ABCC1: variants seen among roughly 807,000 people sequenced by gnomAD.
ABCC1 encodes multidrug resistance-associated protein 1.
ABCC1 carries 83 observed loss-of-function variants against 172.9 expected under a neutral mutation model. The ratio of observed to expected loss-of-function variants is 0.48; its 90% CI spans 0.40 to 0.58. ABCC1 has a LOEUF of 0.58. Ranked by LOEUF, ABCC1 falls within the 20% of genes least tolerant of loss-of-function variation. The pLI, the probability that ABCC1 is intolerant of heterozygous loss-of-function variation, is 0.00. For synonymous variants in ABCC1, 937 were observed against 825.2 expected (o/e 1.14, Z -2.32); for missense variants, 1,817 against 2,002.7 (o/e 0.91, Z 1.77).
chr16:16,008,036 C>T lies in ABCC1; in HGVS notation c.225+44C>T, dbSNP rs756071484. Reference sequence around the variant, plus strand: ...TCGTTGTGGGGGGTGGGAAGGTGCACCTGGACGGGGAGTGGTGGTTGGTGA... The same window carrying T: ...TCGTTGTGGGGGGTGGGAAGGTGCATCTGGACGGGGAGTGGTGGTTGGTGA... On this transcript the variant is annotated intron_variant, in intron 2 of 30. Coordinates refer to ENST00000399410, the MANE Select transcript of ABCC1 (RefSeq NM_004996.4). The T allele has an allele frequency of 7.7e-6, 11 of 1,433,304 alleles. 1 individual carries two copies. Among genetic ancestry groups the T allele is most frequent in the South Asian group, 1.2e-5 (1 of 81,582 alleles). 88.8% of individuals were successfully genotyped at this position (1,433,304 alleles called of 1,614,324 possible). A position where few individuals can be genotyped will look rare whatever the true frequency, so the allele number is the denominator to read the frequency against.
At chr16:16,060,770 C>T (rs1669524300) in intron 12 of ABCC1, among the ~76,000 whole-genome samples, 1 of 152,024 alleles carries the variant, frequency 6.6e-6, no homozygotes, top group South Asian at 2.1e-4. Context: ...GATCTACCTG[C>T]CTTGATCTCC....
chr16:16,103,771 A>G (rs1410552322), intron 20 of ABCC1, among the ~76,000 whole-genome samples: 3 of 152,112 alleles, frequency 2.0e-5, no homozygotes, highest in Non-Finnish European at 4.4e-5. Flanking sequence ...ACAGACAAAC[A>G]CTTCGTAGAT....
intron 12 of ABCC1, among the ~76,000 whole-genome samples, chr16:16,066,013 T>C (rs1406314342): frequency 1.3e-5 from 2 of 152,144 alleles, no homozygotes; most frequent in Non-Finnish European, 2.9e-5. Flanking sequence ...TCACCACTAA[T>C]TCCAGGACGT....
chr16:16,136,147 C>T (rs1196654958), intron 28 of ABCC1, among the ~76,000 whole-genome samples: 3 of 151,964 alleles, frequency 2.0e-5, no homozygotes, highest in African/African-American at 4.8e-5. Context: ...CCTCAGTCTC[C>T]TGAGTAGCTG....
intron 26 of ABCC1, among the ~76,000 whole-genome samples, chr16:16,129,069 C>CAG (rs748759153): frequency 6.6e-6 from 1 of 152,176 alleles, no homozygotes; most frequent in Non-Finnish European, 1.5e-5. Flanking sequence ...CTCTCCTCTC[C>CAG]AGAGAGAGGC....
Position 16,052,805 on chromosome 16 carries a change from A to C in ABCC1, c.1462A>C (p.Lys488Gln). The change falls in exon 11 of 31, where the codon AAG (lysine) becomes CAG (glutamine). Residue 488 changes from lysine (K) to glutamine (Q), a missense_variant. Physicochemically the swap from Lys to Gln is moderately conservative, Grantham distance 53. This residue lies in a region of ABCC1 where 1,412 missense variants were observed against 1,600.3 expected (regional missense o/e 0.88). Transcript: ENST00000399410. ...PVNAVMAMKTKTYQVAHMKSK... is the reference protein window; with the variant it reads ...PVNAVMAMKTQTYQVAHMKSK... ...CAATGCTGTGATGGCGATGAAGACC[A>C]AGACGTATCAGGTAAGGCATGTGTC... is the stretch of plus-strand genomic sequence containing the variant. 1 of 1,614,122 alleles carries C rather than the reference A, an allele frequency of 6.2e-7. No individual in the cohort carries two copies.
At chr16:16,092,664 A>C (rs759455452) in intron 19 of ABCC1, among the ~76,000 whole-genome samples, 1 of 152,160 alleles carries the variant, frequency 6.6e-6, no homozygotes, top group Non-Finnish European at 1.5e-5. Context: ...ACTCTTGTGA[A>C]TACTGCTGTC....
rs374650750 is a variant in ABCC1, at chr16:16,007,274, G to A, written c.49-542G>A. On this transcript the variant is annotated intron_variant, in intron 1 of 30. Coordinates refer to ENST00000399410, the MANE Select transcript of ABCC1 (RefSeq NM_004996.4). Reference sequence around the variant, plus strand: ...ACAGGGTCTCGCTCTGTTGCCCAGGGTGTAGTACAGTGGCATGATCTCAGC... The same window carrying A: ...ACAGGGTCTCGCTCTGTTGCCCAGGATGTAGTACAGTGGCATGATCTCAGC... Among the ~76,000 whole-genome samples, 106 of 149,860 alleles carry A rather than the reference G, an allele frequency of 7.1e-4. 1 individual carries two copies. The South Asian group carries it at 0.022, about 32-fold the overall frequency.
intron 1 of ABCC1, among the ~76,000 whole-genome samples, chr16:15,984,835 G>C (rs1004284130): frequency 6.6e-6 from 1 of 152,096 alleles, no homozygotes; most frequent in Non-Finnish European, 1.5e-5. Context: ...GTGCAGTGTG[G>C]GTCACACCTG....
intron 25 of ABCC1, 91 bp downstream of exon 25, chr16:16,125,006 G>C: frequency 1.3e-6 from 2 of 1,574,046 alleles, no homozygotes; most frequent in Non-Finnish European, 1.7e-6. Context: ...CAACAGGAAT[G>C]GGGGAGAGGA....
In ABCC1 at chr16:16,141,278, G is replaced by T. The variant is rs763556785; in HGVS notation, c.4593G>T (p.Val1531=). 2.5e-6 allele frequency: 4 copies of T among 1,613,960 alleles called. No individual in the cohort carries two copies. The highest frequency in any genetic ancestry group is 1.1e-5 in the South Asian group (1 of 91,080). ...FYSMAKDAGL[V] ...GCATGGCCAAAGACGCCGGCTTGGT[G>T]TGAGCCCCAGAGCTGGCATATCTGG... is the stretch of plus-strand genomic sequence containing the variant. The change falls in exon 31 of 31, where the codon GTG becomes GTT. Residue 1531 remains valine, a synonymous_variant. Transcript: ENST00000399410.
In ABCC1 at chr16:16,102,518, G is replaced by A. The variant is rs886326199; in HGVS notation, c.2645-109G>A. ...TCTCCTACTTTCTGATCATCCTGGC[G>A]GCCAGGTGCTCTGTGGTCTCCTCAC... is the stretch of plus-strand genomic sequence containing the variant. On this transcript the variant is annotated intron_variant, in intron 19 of 30. Transcript: ENST00000399410. 5.2e-5 allele frequency: 48 copies of A among 929,024 alleles called. No homozygotes were observed. The Admixed American group carries it at 7.3e-4, about 14-fold the overall frequency. The allele number at this position is 929,024 out of a possible 1,614,324, so 57.5% of individuals were successfully genotyped here. A position where few individuals can be genotyped will look rare whatever the true frequency, so the allele number is the denominator to read the frequency against.
intron 1 of ABCC1, among the ~76,000 whole-genome samples, chr16:15,996,832 C>A (rs1042011283): frequency 1.3e-5 from 2 of 152,100 alleles, no homozygotes; most frequent in African/African-American, 4.8e-5. Flanking sequence ...GAGGTCAGCA[C>A]CAGGATCTTG....
chr16:15,978,064 A>G (rs1025724702), intron 1 of ABCC1, among the ~76,000 whole-genome samples: 4 of 152,142 alleles, frequency 2.6e-5, no homozygotes, highest in African/African-American at 7.2e-5. Flanking sequence ...CGTCTTCACA[A>G]TGTCTCTGAT....
In ABCC1 at chr16:16,091,917, T is replaced by G. The variant is rs183930459; in HGVS notation, c.2644+1329T>G. ...CTTCTCTGCAGAGGTCCTAGTGATC[T>G]CTAATAAGTGCTTTCTTGAGATGTA... On this transcript the variant is annotated intron_variant, in intron 19 of 30. Coordinates refer to ENST00000399410, the MANE Select transcript of ABCC1 (RefSeq NM_004996.4). 2.0e-5 allele frequency among the ~76,000 whole-genome samples: 3 copies of G among 152,298 alleles called. No homozygotes were observed. The East Asian group carries it at 5.8e-4, about 29-fold the overall frequency.
chr16:15,990,750 C>T (rs990684292), intron 1 of ABCC1, among the ~76,000 whole-genome samples: 2 of 151,376 alleles, frequency 1.3e-5, no homozygotes, highest in Admixed American at 6.6e-5. Context: ...CCTGGGTTCA[C>T]GCCATCCTCC....
chr16:16,111,456 A>G lies in ABCC1; in HGVS notation c.2953A>G (p.Asn985Asp). ...SFLSIFLFMC[N>D]HVSALASNYW... is the part of the protein sequence containing the mutation. ...CCTCAGCATCTTCCTTTTCATGTGT[A>G]ACCATGTGTCCGCGCTGGCTTCCAA... Residue 985 changes from asparagine (N) to aspartate (D), a missense_variant, in exon 22 of 31, where the codon AAC (asparagine) becomes GAC (aspartate). Physicochemically the swap from Asn to Asp is conservative, Grantham distance 23. This residue lies in a region of ABCC1 where 1,412 missense variants were observed against 1,600.3 expected (regional missense o/e 0.88). Coordinates refer to ENST00000399410, the MANE Select transcript of ABCC1 (RefSeq NM_004996.4). 2 of 1,614,062 alleles carry G rather than the reference A, an allele frequency of 1.2e-6. 1 individual carries two copies. Among genetic ancestry groups the G allele is most frequent in the South Asian group, 2.2e-5 (2 of 91,064 alleles).
At chr16:16,095,411 A>G (rs11640751) in intron 19 of ABCC1, among the ~76,000 whole-genome samples, 62,093 of 152,194 alleles carry the variant, frequency 0.41, 14,811 homozygotes, top group Non-Finnish European at 0.53. Context: ...GTTTGGAGAC[A>G]TGTTGGGATG....
At position 15,989,338 on chromosome 16, in the gene ABCC1, G is replaced by A. The variant is rs184253185; in HGVS notation, c.49-18478G>A. Reference sequence around the variant, plus strand: ...TGCCCACGCGATGCTGGCTTCAGCCGCCTTCCTCTCACCTCATGGCCCTGC... The same window carrying A: ...TGCCCACGCGATGCTGGCTTCAGCCACCTTCCTCTCACCTCATGGCCCTGC... On this transcript the variant is annotated intron_variant, in intron 1 of 30. Transcript: ENST00000399410. 2.0e-5 allele frequency among the ~76,000 whole-genome samples: 3 copies of A among 152,250 alleles called. No homozygotes were observed. In the East Asian group the frequency reaches 5.8e-4, roughly 29 times the overall value.
Sources: gnomAD v4.1 joint callset for allele counts (sites outside exome capture counted in the v4.1 genomes callset) on GRCh38, gnomAD v4.1.1 for gene constraint, gnomAD v4.1.1 regional missense constraint, MANE v1.5 for transcripts, NCBI Gene and HGNC (gene_info 2026-07-23, HGNC 2026-07-21) for gene names.